RBFOX1: variants seen among roughly 807,000 people sequenced by gnomAD.
The protein encoded by RBFOX1 is RNA binding fox-1 homolog 1, also known as RNA binding protein fox-1 homolog 1.
Under a neutral mutation model 57.7 loss-of-function variants are expected in RBFOX1, and 8 were observed. That is an observed-to-expected ratio of 0.14 (90% CI 0.08 to 0.25). The LOEUF (loss-of-function observed/expected upper bound fraction) is 0.25. Among genes scored for constraint, RBFOX1 ranks in the 10% least tolerant of loss-of-function variants. The pLI is 1.00. For missense variants in RBFOX1, 611 were observed against 548.5 expected (o/e 1.11, Z -1.14); for synonymous variants, 326 against 222.4 (o/e 1.47, Z -4.15).
chr16:6,620,350 T>G (rs1409130333), intron 2 of RBFOX1, among the ~76,000 whole-genome samples: 2 of 152,146 alleles, frequency 1.3e-5, no homozygotes, highest in Admixed American at 1.3e-4. Flanking sequence ...TAAGGCAGTG[T>G]TAAGAGGGAA....
chr16:6,665,804 A>T (rs1033584061), intron 3 of RBFOX1, among the ~76,000 whole-genome samples: 1 of 152,182 alleles, frequency 6.6e-6, no homozygotes, highest in Non-Finnish European at 1.5e-5. Context: ...AATCCTTAGA[A>T]AGATCCTTTA....
intron 3 of RBFOX1, among the ~76,000 whole-genome samples, chr16:6,819,730 A>AC (rs2090920369): frequency 5.2e-5 from 5 of 95,306 alleles, no homozygotes; most frequent in African/African-American, 1.6e-4. Context: ...AAAAAAAAAA[A>AC]ATAACAACAC....
chr16:7,511,656 AT>A (rs1307075318), intron 4 of RBFOX1, among the ~76,000 whole-genome samples: 1 of 152,062 alleles, frequency 6.6e-6, no homozygotes, highest in African/African-American at 2.4e-5. Flanking sequence ...ACTTGGTTGC[AT>A]TTTAATAATC....
At chr16:7,510,437 G>A (rs921094019) in intron 4 of RBFOX1, 46 of 754,630 alleles carry the variant, frequency 6.1e-5, no homozygotes, top group African/African-American at 3.3e-4. Flanking sequence ...AATCATGCCC[G>A]GGGAAAGGAG....
At chr16:6,723,012 C>G (rs1345114788) in intron 3 of RBFOX1, among the ~76,000 whole-genome samples, 4 of 152,096 alleles carry the variant, frequency 2.6e-5, no homozygotes, top group African/African-American at 9.7e-5. Flanking sequence ...TAAGTAGCTC[C>G]CATCAGAGAT....
intron 3 of RBFOX1, among the ~76,000 whole-genome samples, chr16:7,042,617 C>A (rs74250038): frequency 0.094 from 14,376 of 152,192 alleles, 1,078 homozygotes; most frequent in East Asian, 0.29. Context: ...TGTTAGTGTG[C>A]AATTTATTTC....
At chr16:6,840,820 G>T (rs1389653301) in intron 3 of RBFOX1, among the ~76,000 whole-genome samples, 9 of 150,900 alleles carry the variant, frequency 6.0e-5, no homozygotes, top group African/African-American at 2.2e-4. Context: ...CTGGGAGGTG[G>T]AGGTTGTGGT....
At chr16:6,220,007 C>G (rs1394026744) in intron 1 of RBFOX1, among the ~76,000 whole-genome samples, 1 of 152,138 alleles carries the variant, frequency 6.6e-6, no homozygotes, top group East Asian at 1.9e-4. Context: ...TATCATCCAT[C>G]ATCTACTATT....
At chr16:6,662,086 A>C (rs2098704857) in intron 3 of RBFOX1, among the ~76,000 whole-genome samples, 1 of 151,490 alleles carries the variant, frequency 6.6e-6, no homozygotes, top group Non-Finnish European at 1.5e-5. Flanking sequence ...AGAAAGTGAA[A>C]CTCAAAGAAG....
intron 2 of RBFOX1, among the ~76,000 whole-genome samples, chr16:6,509,066 C>T (rs1029461912): frequency 6.6e-6 from 1 of 152,136 alleles, no homozygotes; most frequent in South Asian, 2.1e-4. Flanking sequence ...AAATATACCA[C>T]TGATCTTGAG....
intron 2 of RBFOX1, among the ~76,000 whole-genome samples, chr16:5,593,863 G>A (rs963832275): frequency 2.0e-5 from 3 of 152,022 alleles, no homozygotes; most frequent in African/African-American, 7.2e-5. Context: ...AAGAACCCTC[G>A]TTTGGGGTCT....
intron 1 of RBFOX1, among the ~76,000 whole-genome samples, chr16:5,456,891 T>G (rs2068646764): frequency 6.6e-6 from 1 of 152,240 alleles, no homozygotes. Flanking sequence ...CCAGCCATTT[T>G]AAACCTTTCT....
At chr16:6,951,339 G>C (rs1004440801) in intron 3 of RBFOX1, among the ~76,000 whole-genome samples, 1 of 152,114 alleles carries the variant, frequency 6.6e-6, no homozygotes, top group Non-Finnish European at 1.5e-5. Flanking sequence ...TATTGTCTGA[G>C]GGTATTCTGG....
At chr16:7,130,656 C>T (rs894213239) in intron 4 of RBFOX1, among the ~76,000 whole-genome samples, 9 of 152,218 alleles carry the variant, frequency 5.9e-5, no homozygotes, top group African/African-American at 2.2e-4. Flanking sequence ...ATCTCCAGTG[C>T]CTTTTTACTT....
chr16:6,950,499 G>A (rs973104520), intron 3 of RBFOX1, among the ~76,000 whole-genome samples: 1 of 152,136 alleles, frequency 6.6e-6, no homozygotes, highest in Non-Finnish European at 1.5e-5. Context: ...ACCTGAATTG[G>A]ATTGAAGCTG....
chr16:7,109,335 ACAAAT>A (rs1347344280), intron 4 of RBFOX1, among the ~76,000 whole-genome samples: 1 of 152,174 alleles, frequency 6.6e-6, no homozygotes, highest in African/African-American at 2.4e-5. Context: ...GAGAAAATGA[ACAAAT>A]CCCTGCAACC....
chr16:6,964,578 A>C (rs2083698302), intron 3 of RBFOX1, among the ~76,000 whole-genome samples: 1 of 152,170 alleles, frequency 6.6e-6, no homozygotes, highest in South Asian at 2.1e-4. Context: ...GAATCTCTTT[A>C]TACTTGCTGA....
rs551859625 is a variant in RBFOX1, at chr16:7,311,615, C to G, written c.28-206532C>G. ...CAGCTTCCTCTTGCTCTGCCTGAAG[C>G]CAGGCACGGGGCAAGCCCTGCTCTT... On this transcript the variant is annotated intron_variant, in intron 4 of 15. Transcript: ENST00000550418. 4.6e-3 allele frequency among the ~76,000 whole-genome samples: 700 copies of G among 151,944 alleles called. 2 individuals carry two copies. The highest frequency in any genetic ancestry group is 0.016 in the African/African-American group (657 of 41,456).
chr16:6,710,752 C>T (rs925512425), intron 3 of RBFOX1, among the ~76,000 whole-genome samples: 2 of 152,240 alleles, frequency 1.3e-5, no homozygotes, highest in African/African-American at 4.8e-5. Flanking sequence ...GAAAATGGCC[C>T]TTGGCAACCC....
Sources: gnomAD v4.1 joint callset for allele counts (sites outside exome capture counted in the v4.1 genomes callset) on GRCh38, gnomAD v4.1.1 for gene constraint, MANE v1.5 for transcripts, NCBI Gene and HGNC (gene_info 2026-07-23, HGNC 2026-07-21) for gene names.